SLC3A1: variants seen among roughly 807,000 people sequenced by gnomAD.
The protein encoded by SLC3A1 is solute carrier family 3 member 1, also known as amino acid transporter heavy chain SLC3A1.
SLC3A1 carries 78 observed loss-of-function variants against 60.3 expected under a neutral mutation model. That is an observed-to-expected ratio of 1.29 (90% CI 1.08 to 1.56). SLC3A1 has a LOEUF of 1.56. Ranked by LOEUF, SLC3A1 falls within the 40% of genes most tolerant of loss-of-function variation. The pLI is 0.00. For missense variants in SLC3A1, 1,172 were observed against 858.9 expected, an observed-to-expected ratio of 1.36 and a Z score of -4.56; for synonymous variants, 392 against 307.9, an observed-to-expected ratio of 1.27 and a Z score of -2.86.
rs1052921105 is a variant in SLC3A1 at position 44,308,321 on chromosome 2, G to A, written c.1332+3983G>A. 2.0e-5 allele frequency among the ~76,000 whole-genome samples: 3 copies of A among 152,158 alleles called. No homozygotes were observed. The East Asian group carries it at 5.8e-4, about 29-fold the overall frequency. The stretch of plus-strand genomic sequence containing the variant: ...GTTATTTTTCAAGATTGTTTTAGCT[G>A]TTCTGGGTACCTTATATTTCCATGT... On this transcript the variant is annotated intron_variant, in intron 7 of 9. Transcript: ENST00000260649.
chr2:44,321,888 G>A (rs376119265), downstream of SLC3A1: 1 of 1,613,214 alleles, frequency 6.2e-7, no homozygotes, highest in Non-Finnish European at 8.5e-7. Flanking sequence ...AATAATATTA[G>A]GGGTCTGATA....
chr2:44,319,317 T>G (rs1197878644), intron 9 of SLC3A1: 1 of 152,502 alleles, frequency 6.6e-6, no homozygotes, highest in African/African-American at 2.4e-5. Flanking sequence ...TTTGGCATTA[T>G]GTATCAAGTG....
chr2:44,286,026 T>C lies in SLC3A1; in HGVS notation c.766-6T>C, dbSNP rs769893081. 12 of 1,614,080 alleles carry C rather than the reference T, an allele frequency of 7.4e-6. No homozygotes were observed. Among genetic ancestry groups the C allele is most frequent in the Non-Finnish European group, 1.0e-5 (12 of 1,180,020 alleles). ...TCACTGATGTGCTGTTTTCTTTGTT[T>C]GCCAGTTAAGTGTGTATGGAAACTC... On this transcript the variant is annotated splice_polypyrimidine_tract_variant and splice_region_variant and intron_variant, in intron 3 of 9. Transcript: ENST00000260649.
At chr2:44,321,737 T>C (rs774323001), downstream of SLC3A1, 18 of 1,609,346 alleles carry the variant, frequency 1.1e-5, no homozygotes, top group Non-Finnish European at 1.5e-5. Context: ...GAAGTGGCTT[T>C]GTCATAAACC....
intron 4 of SLC3A1, among the ~76,000 whole-genome samples, chr2:44,297,664 G>C (rs1276576768): frequency 6.6e-6 from 1 of 152,132 alleles, no homozygotes; most frequent in East Asian, 1.9e-4. Flanking sequence ...GTAATGTTTG[G>C]TCATTCAGGC....
In SLC3A1 at chr2:44,320,635, G is replaced by C; in HGVS notation, c.2054G>C (p.Cys685Ser). Residue 685 changes from cysteine (C) to serine (S), a missense_variant, in exon 10 of 10, where the codon TGT becomes TCT. By Grantham distance (112) the Cys-to-Ser change is moderately radical. Transcript: ENST00000260649. ...GTACTGAACATACTGTATACCTCGT[G>C]TTAGGCACCTTTATGAAGAGATGAA... ...SSVLNILYTSC is the reference protein window; with the variant it reads ...SSVLNILYTSS The C allele has an allele frequency of 6.2e-7, 1 of 1,613,060 alleles. No individual in the cohort carries two copies. Among genetic ancestry groups the C allele is most frequent in the Non-Finnish European group, 8.5e-7 (1 of 1,179,146 alleles).
At chr2:44,282,087 G>T (rs1671512007) in intron 3 of SLC3A1, among the ~76,000 whole-genome samples, 1 of 152,016 alleles carries the variant, frequency 6.6e-6, no homozygotes, top group South Asian at 2.1e-4. Flanking sequence ...GGCCACTCTG[G>T]TCTTGAACTC....
At chr2:44,287,206 G>A (rs372482626) in intron 4 of SLC3A1, among the ~76,000 whole-genome samples, 5 of 152,096 alleles carry the variant, frequency 3.3e-5, no homozygotes, top group East Asian at 3.9e-4. Context: ...TATGTTAGGT[G>A]GTGGTGAATG....
chr2:44,294,178 T>A (rs1671798595), intron 4 of SLC3A1, among the ~76,000 whole-genome samples: 1 of 151,922 alleles, frequency 6.6e-6, no homozygotes, highest in Non-Finnish European at 1.5e-5. Context: ...TGGTCAACAG[T>A]GTCAAATGAT....
At chr2:44,291,730 G>A (rs184686527) in intron 4 of SLC3A1, among the ~76,000 whole-genome samples, 20 of 152,204 alleles carry the variant, frequency 1.3e-4, no homozygotes, top group Admixed American at 9.8e-4. Context: ...TGGAGGCGGC[G>A]TTTGGAATGA....
At chr2:44,287,149 C>T (rs1489038268) in intron 4 of SLC3A1, among the ~76,000 whole-genome samples, 3 of 152,090 alleles carry the variant, frequency 2.0e-5, no homozygotes, top group Admixed American at 1.3e-4. Flanking sequence ...CTCAAGGAGT[C>T]TCCAATATAC....
At chr2:44,318,595 CATATGAAATG>C (rs1672636088) in intron 9 of SLC3A1, 2 of 154,458 alleles carry the variant, frequency 1.3e-5, no homozygotes, top group Admixed American at 6.4e-5. Context: ...AATATATAAA[CATATGAAATG>C]ATACATTCTG....
intron 9 of SLC3A1, 182 bp from the exon 10 acceptor site, chr2:44,320,017 C>A (rs1457647934): frequency 3.3e-6 from 2 of 602,306 alleles, no homozygotes; most frequent in Non-Finnish European, 5.8e-6. Context: ...CCGAATTTGT[C>A]ATTTCTATCA....
At chr2:44,309,637 TCACC>T (rs1672244722) in intron 7 of SLC3A1, among the ~76,000 whole-genome samples, 1 of 152,230 alleles carries the variant, frequency 6.6e-6, no homozygotes, top group East Asian at 1.9e-4. Flanking sequence ...TCTCACTGTA[TCACC>T]CAGGCTAGAG....
chr2:44,276,842 A>T (rs1405670171), intron 1 of SLC3A1, among the ~76,000 whole-genome samples: 1 of 152,242 alleles, frequency 6.6e-6, no homozygotes, highest in Non-Finnish European at 1.5e-5. Context: ...GCAGGCATAC[A>T]CTGGGAACTT....
At chr2:44,279,864 A>C (rs1460897790) in intron 1 of SLC3A1, among the ~76,000 whole-genome samples, 4 of 152,152 alleles carry the variant, frequency 2.6e-5, no homozygotes, top group Non-Finnish European at 5.9e-5. Flanking sequence ...TGCCCGGCCC[A>C]GTATAAAAAT....
At chr2:44,313,973 A>G (rs754884536) in intron 9 of SLC3A1, 22 bp downstream of exon 9, 1 of 1,613,928 alleles carries the variant, frequency 6.2e-7, no homozygotes, top group East Asian at 2.2e-5. Flanking sequence ...TGAAAATTTT[A>G]TGTTGATTCT....
chr2:44,290,614 C>T (rs551021272), intron 4 of SLC3A1, among the ~76,000 whole-genome samples: 1 of 151,864 alleles, frequency 6.6e-6, no homozygotes, highest in Admixed American at 6.6e-5. Flanking sequence ...CAATGTTTTG[C>T]AGTTCTCAGA....
At position 44,292,205 on chromosome 2, in the gene SLC3A1, A is replaced by C. The variant is rs547683973; in HGVS notation, c.891+6048A>C. Among the ~76,000 whole-genome samples, 570 of 152,196 alleles carry C rather than the reference A, an allele frequency of 3.7e-3. 2 individuals carry two copies. The highest frequency in any genetic ancestry group is 0.013 in the African/African-American group (544 of 41,520). ...CTGCCATATGGGAATGCTGAGCCCCAGGGTAGGGACTGCTGGGGAGACCCA... is the reference window on the plus strand; with the variant it reads ...CTGCCATATGGGAATGCTGAGCCCCCGGGTAGGGACTGCTGGGGAGACCCA... On this transcript the variant is annotated intron_variant, in intron 4 of 9. Coordinates refer to ENST00000260649, the MANE Select transcript of SLC3A1 (RefSeq NM_000341.4).
Sources: allele counts gnomAD v4.1 joint callset (sites outside exome capture counted in the v4.1 genomes callset), GRCh38; gene constraint gnomAD v4.1.1; transcripts MANE v1.5; gene names NCBI Gene and HGNC (gene_info 2026-07-23, HGNC 2026-07-21).